MTMR12: variants seen among roughly 807,000 people sequenced by gnomAD.
The protein encoded by MTMR12 is myotubularin-related protein 12.
Under a neutral mutation model 96.7 loss-of-function variants are expected in MTMR12, and 33 were observed. That is an observed-to-expected ratio of 0.34 (90% CI 0.26 to 0.46). The LOEUF (loss-of-function observed/expected upper bound fraction) is 0.46. Among genes scored for constraint, MTMR12 ranks in the 20% least tolerant of loss-of-function variants. MTMR12 has a pLI of 1.00. For missense variants in MTMR12, 721 were observed against 896.1 expected (o/e 0.80, Z 2.49); for synonymous variants, 298 against 327.2 (o/e 0.91, Z 0.96).
At position 32,229,049 on chromosome 5, in the gene MTMR12, C is replaced by G. The variant is rs1747887033; in HGVS notation, c.*729G>C. On this transcript the variant is annotated 3_prime_UTR_variant, in exon 16 of 16. Coordinates refer to ENST00000382142, the MANE Select transcript of MTMR12 (RefSeq NM_001040446.3). ...GACACTGGGACTACACGCACCAAGG[C>G]AGGGAGTGCAGAGGGACAGCGGCGA... The G allele has an allele frequency of 6.6e-6, 1 of 152,368 alleles. No homozygotes were observed. Among genetic ancestry groups the G allele is most frequent in the Non-Finnish European group, 1.5e-5 (1 of 68,168 alleles). 9.4% of individuals were successfully genotyped at this position (152,368 alleles called of 1,614,324 possible). A position where few individuals can be genotyped will look rare whatever the true frequency, so the allele number is the denominator to read the frequency against.
At chr5:32,248,577 G>A (rs1238133285) in intron 9 of MTMR12, among the ~76,000 whole-genome samples, 195 bp downstream of exon 9, 2 of 152,036 alleles carry the variant, frequency 1.3e-5, no homozygotes, top group Admixed American at 6.5e-5. Flanking sequence ...CTCTAAAAAC[G>A]ACGCAGGTGA....
Position 32,230,135 on chromosome 5 carries a change from C to A in MTMR12, c.1887G>T (p.Pro629=), listed in dbSNP as rs377162662. The A allele has an allele frequency of 2.4e-5, 38 of 1,613,156 alleles. No individual in the cohort carries two copies. The highest frequency in any genetic ancestry group is 3.1e-5 in the Non-Finnish European group (36 of 1,179,450). ...KSTDYHGLLL[P]HIEGPEIKVW... ...CTTTGATTTCGGGCCCCTCGATATG[C>A]GGTAACAACAAACCATGGTAGTCAG... The change falls in exon 16 of 16, where the codon CCG becomes CCT. Residue 629 remains proline, a synonymous_variant. Transcript: ENST00000382142.
At chr5:32,234,053 A>C in intron 14 of MTMR12, 119 bp from the exon 15 acceptor site, 6 of 1,224,522 alleles carry the variant, frequency 4.9e-6, no homozygotes, top group Non-Finnish European at 6.8e-6. Flanking sequence ...ATGAATAATC[A>C]TGGGCATTTA....
Position 32,279,076 on chromosome 5 carries a change from C to CAAAAAAAA in MTMR12, c.82-2342_82-2335dup, listed in dbSNP as rs35999870. ...GGGCAACAAGAGCGAAACTCTGTCT[C>CAAAAAAAA]AAAAAAAAAAAAAAAAAAAAAAAAA... On this transcript the variant is annotated intron_variant, in intron 1 of 15. Transcript: ENST00000382142. Among the ~76,000 whole-genome samples, 101 of 50,526 alleles carry CAAAAAAAA rather than the reference C, an allele frequency of 2.0e-3. 19 individuals carry two copies. The highest frequency in any genetic ancestry group is 3.0e-3 in the Non-Finnish European group (80 of 26,472). 33.1% of individuals were successfully genotyped at this position (50,526 alleles called of 152,430 possible). A position where few individuals can be genotyped will look rare whatever the true frequency, so the allele number is the denominator to read the frequency against.
At position 32,243,520 on chromosome 5, in the gene MTMR12, C is replaced by A; in HGVS notation, c.1100+1G>T. On this transcript the variant is annotated splice_donor_variant, in intron 11 of 15. Transcript: ENST00000382142. LOFTEE classifies it high-confidence loss of function. ...ATGAGTAAAACAATGGTTTGAAATA[C>A]CTGATTATGTCAAGCCAGCTGCTAC... is the stretch of plus-strand genomic sequence containing the variant. 1 of 1,605,182 alleles carries A rather than the reference C, an allele frequency of 6.2e-7. No individual in the cohort carries two copies. Among genetic ancestry groups the A allele is most frequent in the Non-Finnish European group, 8.5e-7 (1 of 1,172,830 alleles).
chr5:32,312,735 C>T lies in MTMR12; in HGVS notation c.81+23G>A. ...GCCCCGGCCGCCCCTGCCCGACGCC[C>T]CGCCTGCGCGGCGCCCCCTCACCTC... On this transcript the variant is annotated intron_variant, in intron 1 of 15. Coordinates refer to ENST00000382142, the MANE Select transcript of MTMR12 (RefSeq NM_001040446.3). This position sits in a 1 kb window ranked among gnomAD's most constrained non-coding sequence, Gnocchi z 5.0. 6.7e-7 allele frequency: 1 copy of T among 1,494,638 alleles called. No individual in the cohort carries two copies. Among genetic ancestry groups the T allele is most frequent in the Non-Finnish European group, 8.9e-7 (1 of 1,124,078 alleles). The allele number at this position is 1,494,638 out of a possible 1,614,324, so 92.6% of individuals were successfully genotyped here. A position where few individuals can be genotyped will look rare whatever the true frequency, so the allele number is the denominator to read the frequency against.
chr5:32,277,164 C>T (rs909740577), intron 1 of MTMR12, among the ~76,000 whole-genome samples: 6 of 152,146 alleles, frequency 3.9e-5, no homozygotes, highest in East Asian at 1.9e-4. Flanking sequence ...GGATTACAGG[C>T]GTGAGCCACC....
chr5:32,240,758 G>C (rs532834207), intron 12 of MTMR12, among the ~76,000 whole-genome samples: 1 of 152,080 alleles, frequency 6.6e-6, no homozygotes, highest in Non-Finnish European at 1.5e-5. Flanking sequence ...ACAGGACCAA[G>C]CCCGACTAAT....
chr5:32,289,998 A>G (rs1240673744), intron 1 of MTMR12, among the ~76,000 whole-genome samples: 1 of 152,212 alleles, frequency 6.6e-6, no homozygotes, highest in Non-Finnish European at 1.5e-5. Context: ...TTGCAGAATG[A>G]CAGTGGATTC....
intron 8 of MTMR12, among the ~76,000 whole-genome samples, chr5:32,254,103 C>G (rs1004132241): frequency 2.0e-5 from 3 of 152,198 alleles, no homozygotes; most frequent in African/African-American, 7.2e-5. Flanking sequence ...TGTTTCTTCC[C>G]ACAGAGCATA....
At position 32,239,100 on chromosome 5, in the gene MTMR12, G is replaced by C; in HGVS notation, c.1245C>G (p.Thr415=). The change falls in exon 13 of 16, where the codon ACC becomes ACG. Residue 415 remains threonine (T), a synonymous_variant. Transcript: ENST00000382142. The part of the protein sequence containing the change: ...VQLMMDPHCR[T]RIGFQSLIQK... ...GGATGAGGCTCTGGAAACCAATTCTGGTTCTGCAGTGGGGGTCCATCATCA... is the reference window on the plus strand; with the variant it reads ...GGATGAGGCTCTGGAAACCAATTCTCGTTCTGCAGTGGGGGTCCATCATCA... The C allele has an allele frequency of 6.2e-7, 1 of 1,610,028 alleles. No homozygotes were observed. Among genetic ancestry groups the C allele is most frequent in the African/African-American group, 1.3e-5 (1 of 75,046 alleles).
At chr5:32,234,760 C>A in intron 14 of MTMR12, 3 of 462,498 alleles carry the variant, frequency 6.5e-6, no homozygotes, top group Non-Finnish European at 1.1e-5. Flanking sequence ...TGTTCAATAT[C>A]TTTTTTAAAA....
rs1361551558 is a variant in MTMR12 at position 32,271,818 on chromosome 5, A to C, written c.358+15T>G. On this transcript the variant is annotated intron_variant, in intron 4 of 15. Transcript: ENST00000382142. ...TCAAAGGTTGCCAACACCCCAGGGAAAAACAGATACTTACCTCCATAAATC... is the reference window on the plus strand; with the variant it reads ...TCAAAGGTTGCCAACACCCCAGGGACAAACAGATACTTACCTCCATAAATC... The C allele has an allele frequency of 8.6e-6, 13 of 1,516,128 alleles. No homozygotes were observed. The highest frequency in any genetic ancestry group is 1.2e-5 in the Non-Finnish European group (13 of 1,113,886). 93.9% of individuals were successfully genotyped at this position (1,516,128 alleles called of 1,614,324 possible). A position where few individuals can be genotyped will look rare whatever the true frequency, so the allele number is the denominator to read the frequency against.
intron 7 of MTMR12, among the ~76,000 whole-genome samples, chr5:32,260,078 G>A (rs1044215676): frequency 4.7e-5 from 7 of 148,234 alleles, no homozygotes; most frequent in South Asian, 2.1e-4. Flanking sequence ...GGTAAGATCC[G>A]ACTGATGAAG....
intron 1 of MTMR12, among the ~76,000 whole-genome samples, chr5:32,288,083 TATC>T (rs1173057481): frequency 6.6e-6 from 1 of 152,130 alleles, no homozygotes; most frequent in East Asian, 1.9e-4. Context: ...TACAAGCTCT[TATC>T]ATGTGAGTGG....
At chr5:32,301,668 A>G (rs1000271081) in intron 1 of MTMR12, among the ~76,000 whole-genome samples, 1 of 152,200 alleles carries the variant, frequency 6.6e-6, no homozygotes, top group Non-Finnish European at 1.5e-5. Context: ...AGGTGGGTGG[A>G]TCACCTGAGG....
chr5:32,229,754 T>C lies in MTMR12; in HGVS notation c.*24A>G. 1.3e-6 allele frequency: 2 copies of C among 1,496,166 alleles called. No homozygotes were observed. The highest frequency in any genetic ancestry group is 1.8e-6 in the Non-Finnish European group (2 of 1,121,958). The allele number at this position is 1,496,166 out of a possible 1,614,324, so 92.7% of individuals were successfully genotyped here. On this transcript the variant is annotated 3_prime_UTR_variant, in exon 16 of 16. Transcript: ENST00000382142. ...GCTGTCCCAATCTCCCACATTCCTC[T>C]TTCACAATCACTCAACAAACAGGTC...
In MTMR12 at chr5:32,305,218, A is replaced by G. The variant is rs574982240; in HGVS notation, c.81+7540T>C. 3.8e-3 allele frequency among the ~76,000 whole-genome samples: 572 copies of G among 152,138 alleles called. 1 individual carries two copies. Among genetic ancestry groups the G allele is most frequent in the Non-Finnish European group, 5.8e-3 (392 of 68,002 alleles). ...ATTCTCCTGCCTCAGCCTCCTGAGT[A>G]GCTGGAATTACAGGCGTTCGCTACC... On this transcript the variant is annotated intron_variant, in intron 1 of 15. Coordinates refer to ENST00000382142, the MANE Select transcript of MTMR12 (RefSeq NM_001040446.3).
At chr5:32,266,894 A>G (rs550884835) in intron 6 of MTMR12, among the ~76,000 whole-genome samples, 5 of 152,180 alleles carry the variant, frequency 3.3e-5, no homozygotes, top group African/African-American at 9.6e-5. Context: ...CCTGGCCAAC[A>G]TGGTGAAACC....
Sources: gnomAD v4.1 joint callset for allele counts (sites outside exome capture counted in the v4.1 genomes callset) on GRCh38, gnomAD v4.1.1 for gene constraint, Gnocchi (gnomAD v3.1) non-coding constraint, MANE v1.5 for transcripts, NCBI Gene and HGNC (gene_info 2026-07-23, HGNC 2026-07-21) for gene names.